Variants in WDR19 observed in about 807,000 individuals in gnomAD.
WDR19 encodes WD repeat-containing protein 19.
In WDR19, 121 loss-of-function variants were observed where a neutral mutation model predicts 180.0. That is an observed-to-expected ratio of 0.67 (90% CI 0.58 to 0.78). WDR19 has a LOEUF of 0.78. WDR19 is among the 30% of genes least tolerant of loss of function. The pLI is 0.00. For missense variants in WDR19, 1,450 were observed against 1,640.7 expected (o/e 0.88, Z 2.01); for synonymous variants, 497 against 540.7 (o/e 0.92, Z 1.12).
At position 39,218,121 on chromosome 4, in the gene WDR19, T is replaced by C; in HGVS notation, c.1479+16T>C. On this transcript the variant is annotated intron_variant, in intron 14 of 36. Coordinates refer to ENST00000399820, the MANE Select transcript of WDR19 (RefSeq NM_025132.4). Reference sequence around the variant, plus strand: ...TGGTACAGATGTATGTATTGCCTTCTTTTTTAGAGAACACTGGGAATTTTT... The same window carrying C: ...TGGTACAGATGTATGTATTGCCTTCCTTTTTAGAGAACACTGGGAATTTTT... 6.3e-7 allele frequency: 1 copy of C among 1,588,076 alleles called. No individual in the cohort carries two copies. The highest frequency in any genetic ancestry group is 8.6e-7 in the Non-Finnish European group (1 of 1,167,876).
chr4:39,281,372 T>G (rs1205417647), intron 36 of WDR19, among the ~76,000 whole-genome samples: 4 of 151,668 alleles, frequency 2.6e-5, no homozygotes, highest in Non-Finnish European at 5.9e-5. Flanking sequence ...GGGGTTGGGT[T>G]TTCTTCCCCT....
At chr4:39,222,328 A>T (rs1317712162) in intron 14 of WDR19, among the ~76,000 whole-genome samples, 1 of 152,170 alleles carries the variant, frequency 6.6e-6, no homozygotes, top group Non-Finnish European at 1.5e-5. Context: ...TATCAGATGT[A>T]TGCTTTGCAA....
intron 8 of WDR19, 35 bp downstream of exon 8, chr4:39,205,301 C>A: frequency 6.6e-7 from 1 of 1,509,338 alleles, no homozygotes; most frequent in South Asian, 1.2e-5. Flanking sequence ...ACAAAAAGCT[C>A]ATTACAGAAG....
chr4:39,229,485 CT>C (rs1177745965), intron 17 of WDR19, among the ~76,000 whole-genome samples: 1 of 152,154 alleles, frequency 6.6e-6, no homozygotes, highest in Non-Finnish European at 1.5e-5. Flanking sequence ...TAAAATAAAC[CT>C]AATTATTTCA....
intron 28 of WDR19, among the ~76,000 whole-genome samples, chr4:39,262,738 G>A (rs1260331540): frequency 6.6e-6 from 1 of 152,078 alleles, no homozygotes; most frequent in East Asian, 1.9e-4. Context: ...GTCACTTATT[G>A]CTATAGTAAG....
rs1356874486 is a variant in WDR19, at chr4:39,218,064, T to C, written c.1438T>C (p.Cys480Arg). 6.2e-7 allele frequency: 1 copy of C among 1,614,014 alleles called. No homozygotes were observed. The highest frequency in any genetic ancestry group is 1.1e-5 in the South Asian group (1 of 91,082). The change falls in exon 14 of 37, where the codon TGC becomes CGC. Residue 480 changes from cysteine (C) to arginine (R), a missense_variant. Cys to Arg is a radical substitution (Grantham distance 180). Transcript: ENST00000399820. Reference sequence around the variant, plus strand: ...AGTGGATGATAAGTGCCGTATCTTATGCCATGCCTTAACTAGTGATTTCCT... The same window carrying C: ...AGTGGATGATAAGTGCCGTATCTTACGCCATGCCTTAACTAGTGATTTCCT... ...PAVDDKCRILCHALTSDFLIY... is the reference protein window; with the variant it reads ...PAVDDKCRILRHALTSDFLIY...
At chr4:39,202,389 A>G (rs1727457243) in intron 6 of WDR19, among the ~76,000 whole-genome samples, 1 of 152,196 alleles carries the variant, frequency 6.6e-6, no homozygotes, top group Non-Finnish European at 1.5e-5. Context: ...TCACACAAAA[A>G]TGTATAAAAA....
intron 25 of WDR19, among the ~76,000 whole-genome samples, chr4:39,253,693 C>G (rs1361985680): frequency 6.6e-6 from 1 of 151,704 alleles, no homozygotes; most frequent in Non-Finnish European, 1.5e-5. Flanking sequence ...GCAGGAAAGT[C>G]GCTTGAACCC....
intron 10 of WDR19, among the ~76,000 whole-genome samples, chr4:39,215,430 C>T (rs970429913): frequency 6.6e-6 from 1 of 151,960 alleles, no homozygotes; most frequent in African/African-American, 2.4e-5. Flanking sequence ...GTTACATTTG[C>T]CTGCAGTGTT....
intron 19 of WDR19, among the ~76,000 whole-genome samples, chr4:39,234,048 A>G (rs1731138423): frequency 6.6e-6 from 1 of 152,198 alleles, no homozygotes; most frequent in Admixed American, 6.5e-5. Context: ...TGTTTGCCTC[A>G]GTTTCTGGAT....
Position 39,205,246 on chromosome 4 carries a change from C to CAACAT in WDR19, c.697_701dup (p.Val235ThrfsTer14), listed in dbSNP as rs1334092486. ...ATCTTGAATTTCAGCAGGACTTTGG[C>CAACAT]AACATTGTCTGCTATAATTGGTATG... On this transcript the variant is annotated frameshift_variant, in exon 8 of 37. Transcript: ENST00000399820. LOFTEE classifies it high-confidence loss of function. 6.3e-7 allele frequency: 1 copy of CAACAT among 1,597,886 alleles called. No homozygotes were observed. The highest frequency in any genetic ancestry group is 8.5e-7 in the Non-Finnish European group (1 of 1,171,464).
At chr4:39,272,423 C>G (rs1371317404) in intron 31 of WDR19, among the ~76,000 whole-genome samples, 2 of 152,148 alleles carry the variant, frequency 1.3e-5, no homozygotes, top group Admixed American at 6.5e-5. Context: ...CCCCACTGCC[C>G]CACCTTTTTG....
At chr4:39,279,076 G>A (rs181147937) in intron 36 of WDR19, among the ~76,000 whole-genome samples, 283 of 152,142 alleles carry the variant, frequency 1.9e-3, no homozygotes, top group Middle Eastern at 3.4e-3. Flanking sequence ...TTTTTGTCAC[G>A]TGGAAGCTAC....
At chr4:39,261,795 A>G (rs1167985253) in intron 28 of WDR19, among the ~76,000 whole-genome samples, 1 of 152,218 alleles carries the variant, frequency 6.6e-6, no homozygotes, top group Non-Finnish European at 1.5e-5. Context: ...GTAATCCCAC[A>G]GTACTTTCTC....
rs142860510 is a variant in WDR19 at position 39,244,430 on chromosome 4, C to T, written c.2563-40C>T. 5.1e-4 allele frequency: 828 copies of T among 1,613,728 alleles called. 2 individuals carry two copies. In the African/African-American group the frequency reaches 9.5e-3, roughly 18 times the overall value. ...ATCAATATACATGTGGTCTTTTATA[C>T]ATAATAACTTAGTATTTTAATAATC... On this transcript the variant is annotated intron_variant, in intron 22 of 36. Transcript: ENST00000399820.
Position 39,216,166 on chromosome 4 carries a change from T to C in WDR19, c.1205T>C (p.Val402Ala). 1 of 1,588,604 alleles carries C rather than the reference T, an allele frequency of 6.3e-7. No individual in the cohort carries two copies. The highest frequency in any genetic ancestry group is 2.3e-5 in the East Asian group (1 of 44,030). ...FVAVGLYHLA[V>A]GMNNRAWFYV... ...GCAGTAGGTCTTTATCATCTGGCTG[T>C]AGGAATGAATAATCGAGCTTGGTTT... The change falls in exon 12 of 37, where the codon GTA becomes GCA. Residue 402 changes from valine to alanine, a missense_variant. Val to Ala is a moderately conservative substitution (Grantham distance 64). Coordinates refer to ENST00000399820, the MANE Select transcript of WDR19 (RefSeq NM_025132.4).
In WDR19 at chr4:39,266,388, A is replaced by G. The variant is rs116556740; in HGVS notation, c.3261+248A>G. On this transcript the variant is annotated intron_variant, in intron 29 of 36. Coordinates refer to ENST00000399820, the MANE Select transcript of WDR19 (RefSeq NM_025132.4). ...AATAGCTGATGAGTTTAAAAAAAAA[A>G]TCGCAAAAAAAACTCATAATGTTTT... is the stretch of plus-strand genomic sequence containing the variant. Among the ~76,000 whole-genome samples, 657 of 152,332 alleles carry G rather than the reference A, an allele frequency of 4.3e-3. 3 individuals are homozygous for G. Among genetic ancestry groups the G allele is most frequent in the African/African-American group, 0.015 (621 of 41,580 alleles).
At chr4:39,264,225 C>G (rs1324619345) in intron 28 of WDR19, among the ~76,000 whole-genome samples, 1 of 152,180 alleles carries the variant, frequency 6.6e-6, no homozygotes, top group East Asian at 1.9e-4. Flanking sequence ...AGTAGTGTCA[C>G]TAAATTGACC....
At chr4:39,213,878 A>C (rs1157402836) in intron 9 of WDR19, among the ~76,000 whole-genome samples, 2 of 152,206 alleles carry the variant, frequency 1.3e-5, no homozygotes, top group Non-Finnish European at 2.9e-5. Flanking sequence ...CTATCTCTCT[A>C]TATTGCCTCT....
Sources: allele counts gnomAD v4.1 joint callset (sites outside exome capture counted in the v4.1 genomes callset), GRCh38; gene constraint gnomAD v4.1.1; transcripts MANE v1.5; gene names NCBI Gene and HGNC (gene_info 2026-07-23, HGNC 2026-07-21).